The following DACH1 variants were observed in gnomAD, a reference collection of about 807,000 sequenced individuals.
The protein encoded by DACH1 is dachshund family transcription factor 1.
DACH1 carries 12 observed loss-of-function variants against 54.2 expected under a neutral mutation model. The observed-to-expected ratio is 0.22, with a 90% CI of 0.14 to 0.36. The LOEUF is 0.36. Ranked by LOEUF, DACH1 falls within the 10% of genes least tolerant of loss-of-function variation. The pLI is 1.00. For missense variants in DACH1, 805 were observed against 929.8 expected, an observed-to-expected ratio of 0.87 and a Z score of 1.75; for synonymous variants, 386 against 366.2, an observed-to-expected ratio of 1.05 and a Z score of -0.62.
intron 1 of DACH1, among the ~76,000 whole-genome samples, chr13:71,718,552 G>A (rs1346205995): frequency 7.1e-6 from 1 of 140,834 alleles, no homozygotes; most frequent in African/African-American, 2.6e-5. Flanking sequence ...CACCATCCCG[G>A]ATGACAGAGC....
intron 6 of DACH1, among the ~76,000 whole-genome samples, chr13:71,507,686 T>C (rs556588596): frequency 1.8e-4 from 27 of 152,166 alleles, no homozygotes; most frequent in Non-Finnish European, 3.1e-4. Context: ...ACTGACTACC[T>C]GGAAGAGAAC....
At chr13:71,647,984 C>G (rs1241930522) in intron 2 of DACH1, among the ~76,000 whole-genome samples, 1 of 152,104 alleles carries the variant, frequency 6.6e-6, no homozygotes, top group Non-Finnish European at 1.5e-5. Flanking sequence ...GGTCCTTGTA[C>G]AGAAAAGTTT....
chr13:71,471,431 G>GA (rs1344365387), intron 10 of DACH1, among the ~76,000 whole-genome samples: 1 of 151,976 alleles, frequency 6.6e-6, no homozygotes, highest in Non-Finnish European at 1.5e-5. Flanking sequence ...GAGTGGATTG[G>GA]AAAAATGTCT....
intron 2 of DACH1, among the ~76,000 whole-genome samples, chr13:71,659,912 C>T (rs553085924): frequency 1.3e-5 from 2 of 152,148 alleles, no homozygotes; most frequent in East Asian, 3.9e-4. Flanking sequence ...AACACTAATG[C>T]TTTTTCTGTG....
intron 3 of DACH1, among the ~76,000 whole-genome samples, chr13:71,606,243 G>A (rs1874874041): frequency 3.3e-5 from 5 of 151,938 alleles, no homozygotes; most frequent in African/African-American, 1.2e-4. Context: ...AAAATTGAAT[G>A]TAAACAATAT....
intron 1 of DACH1, among the ~76,000 whole-genome samples, chr13:71,834,051 C>T (rs775073748): frequency 4.0e-4 from 61 of 151,992 alleles, no homozygotes; most frequent in Non-Finnish European, 7.9e-4. Flanking sequence ...ATAACAAATA[C>T]GTCAAATGTT....
intron 3 of DACH1, among the ~76,000 whole-genome samples, chr13:71,619,369 T>A (rs1434247969): frequency 6.6e-6 from 1 of 151,874 alleles, no homozygotes; most frequent in African/African-American, 2.4e-5. Context: ...AAATCCAATA[T>A]GACAGAGATT....
intron 1 of DACH1, among the ~76,000 whole-genome samples, chr13:71,736,759 G>A (rs1884142645): frequency 2.0e-5 from 3 of 152,126 alleles, no homozygotes; most frequent in Admixed American, 2.0e-4. Context: ...TAATCGATCT[G>A]ATGTATATGA....
chr13:71,457,768 A>G (rs1487432696), intron 10 of DACH1, among the ~76,000 whole-genome samples: 5 of 151,932 alleles, frequency 3.3e-5, no homozygotes, highest in Admixed American at 6.6e-5. Flanking sequence ...GAGATTCTAT[A>G]TTTTCAATAT....
At chr13:71,700,367 C>T (rs1882060500) in intron 1 of DACH1, among the ~76,000 whole-genome samples, 1 of 151,938 alleles carries the variant, frequency 6.6e-6, no homozygotes, top group African/African-American at 2.4e-5. Context: ...ACCAGCCTGA[C>T]TAACACGGTG....
At chr13:71,823,747 A>G (rs972617018) in intron 1 of DACH1, among the ~76,000 whole-genome samples, 6 of 152,046 alleles carry the variant, frequency 3.9e-5, no homozygotes, top group Non-Finnish European at 7.4e-5. Context: ...TTTCAATGAC[A>G]ACCTCGTTAT....
chr13:71,843,973 A>G (rs1026897481), intron 1 of DACH1, among the ~76,000 whole-genome samples: 1 of 152,212 alleles, frequency 6.6e-6, no homozygotes, highest in Non-Finnish European at 1.5e-5. Context: ...AATGCGAAGA[A>G]TCAAACTGCA....
chr13:71,462,250 T>C (rs1876141042), intron 10 of DACH1, among the ~76,000 whole-genome samples: 1 of 151,906 alleles, frequency 6.6e-6, no homozygotes, highest in South Asian at 2.1e-4. Context: ...ATTTGCCAAA[T>C]ATAATAGAAA....
At chr13:71,496,837 A>C (rs1879484195) in intron 6 of DACH1, among the ~76,000 whole-genome samples, 1 of 152,224 alleles carries the variant, frequency 6.6e-6, no homozygotes, top group South Asian at 2.1e-4. Flanking sequence ...ATCTATGCTG[A>C]TGCATATAAA....
At chr13:71,498,569 C>G (rs937169793) in intron 6 of DACH1, among the ~76,000 whole-genome samples, 1 of 151,042 alleles carries the variant, frequency 6.6e-6, no homozygotes, top group African/African-American at 2.4e-5. Context: ...AGGTTATATG[C>G]CAAAAGAGTG....
chr13:71,690,026 A>G (rs534821479), intron 1 of DACH1, among the ~76,000 whole-genome samples: 1 of 152,254 alleles, frequency 6.6e-6, no homozygotes, highest in Non-Finnish European at 1.5e-5. Flanking sequence ...ATATTTTTGG[A>G]GCCTAACCTT....
chr13:71,641,590 A>G (rs969027516), intron 2 of DACH1, among the ~76,000 whole-genome samples: 49 of 152,156 alleles, frequency 3.2e-4, no homozygotes, highest in African/African-American at 1.2e-3. Context: ...ATTATGGAAA[A>G]AAACAATCCT....
chr13:71,761,426 C>T (rs930813591), intron 1 of DACH1, among the ~76,000 whole-genome samples: 3 of 151,546 alleles, frequency 2.0e-5, no homozygotes, highest in Non-Finnish European at 4.4e-5. Flanking sequence ...CTATAAACTT[C>T]TTCTCTTTTC....
chr13:71,816,655 TAC>T (rs1466201005), intron 1 of DACH1, among the ~76,000 whole-genome samples: 4 of 24,428 alleles, frequency 1.6e-4, no homozygotes, highest in African/African-American at 2.5e-4. Context: ...TGTATATATA[TAC>T]ACGTGTATAT....
Sources: allele counts gnomAD v4.1 joint callset (sites outside exome capture counted in the v4.1 genomes callset), GRCh38; gene constraint gnomAD v4.1.1; transcripts MANE v1.5; gene names NCBI Gene and HGNC (gene_info 2026-07-23, HGNC 2026-07-21).